Variants in CARS2 observed in about 807,000 individuals in gnomAD.
CARS2 encodes the protein cysteinyl-tRNA synthetase 2, mitochondrial.
In CARS2, 52 loss-of-function variants were observed where a neutral mutation model predicts 68.8. The ratio of observed to expected loss-of-function variants is 0.76; its 90% CI spans 0.61 to 0.95. CARS2 has a LOEUF of 0.95. Among genes scored for constraint, CARS2 ranks in the 40% least tolerant of loss-of-function variants. The pLI is 0.00. For synonymous variants in CARS2, 314 were observed against 303.6 expected (o/e 1.03, Z -0.36); for missense variants, 780 against 754.2 (o/e 1.03, Z -0.40).
chr13:110,697,399 A>G (rs1021572688), intron 3 of CARS2, among the ~76,000 whole-genome samples: 2 of 152,248 alleles, frequency 1.3e-5, no homozygotes, highest in Admixed American at 1.3e-4. Context: ...CAAGATATCA[A>G]ATAAACTGTT....
downstream of CARS2, chr13:110,641,414 CTG>C: frequency 2.5e-6 from 2 of 786,068 alleles, no homozygotes; most frequent in Non-Finnish European, 4.5e-6. Flanking sequence ...CAGTGGGACA[CTG>C]TTGGTTGCCT....
rs1454453837 is a variant in CARS2, at chr13:110,670,296, AGACACCTCCCAGTAGGGGCTGACT to A, written c.786-2847_786-2824del. On this transcript the variant is annotated intron_variant, in intron 7 of 14. Transcript: ENST00000257347. The surrounding 1 kb of genome is among the most constrained non-coding windows in gnomAD (Gnocchi z 4.1). ...CTGATCCCCGAGTAGACCAACTGGGAGACACCTCCCAGTAGGGGCTGACTGACACCTCATACAGCCAGGTGCCCT... is the reference window on the plus strand; with the variant it reads ...CTGATCCCCGAGTAGACCAACTGGGAGACACCTCATACAGCCAGGTGCCCT... Among the ~76,000 whole-genome samples the A allele has an allele frequency of 2.0e-5, 3 of 152,348 alleles. No homozygotes were observed. In the East Asian group the frequency reaches 5.8e-4, roughly 29 times the overall value.
chr13:110,694,227 C>T (rs969449838), intron 3 of CARS2, among the ~76,000 whole-genome samples: 22 of 151,644 alleles, frequency 1.5e-4, no homozygotes, highest in African/African-American at 2.4e-4. Flanking sequence ...GGTTTCTCCA[C>T]GGTGGTTAGG....
At chr13:110,652,324 C>T (rs891226606) in intron 9 of CARS2, among the ~76,000 whole-genome samples, 7 of 152,230 alleles carry the variant, frequency 4.6e-5, no homozygotes, top group African/African-American at 1.7e-4. Flanking sequence ...GAGAGTGAGC[C>T]GGAAACGGCG....
chr13:110,690,816 C>A (rs1311581437), intron 3 of CARS2, among the ~76,000 whole-genome samples: 2 of 152,240 alleles, frequency 1.3e-5, no homozygotes, highest in Non-Finnish European at 2.9e-5. Flanking sequence ...TCTGCCCTCA[C>A]CTGCAGGGTC....
chr13:110,698,157 G>C lies in CARS2; in HGVS notation c.393+3281C>G, dbSNP rs563719302. Among the ~76,000 whole-genome samples the C allele has an allele frequency of 3.3e-5, 5 of 152,250 alleles. No homozygotes were observed. The South Asian group carries it at 1.0e-3, about 32-fold the overall frequency. On this transcript the variant is annotated intron_variant, in intron 3 of 14. Transcript: ENST00000257347. ...GTTAAAGAGGAAGGGAAGCCACAAT[G>C]ACAGACAAATGCTATAATTCAAATC...
At chr13:110,709,555 T>C (rs1423078635), upstream of CARS2, among the ~76,000 whole-genome samples, 1 of 152,200 alleles carries the variant, frequency 6.6e-6, no homozygotes, top group Non-Finnish European at 1.5e-5. Flanking sequence ...TTCATTACTA[T>C]ACCTCCCAGC....
intron 7 of CARS2, among the ~76,000 whole-genome samples, chr13:110,673,263 G>T (rs869033070): frequency 6.6e-6 from 1 of 151,848 alleles, no homozygotes; most frequent in African/African-American, 2.4e-5. Context: ...CAACAAAAAA[G>T]GAGAATTTTA....
chr13:110,644,062 T>C, intron 13 of CARS2: 1 of 1,272,688 alleles, frequency 7.9e-7, no homozygotes, highest in Non-Finnish European at 1.0e-6. Context: ...AATGTTCTCT[T>C]ACTGTGCCTG....
chr13:110,667,394 G>A lies in CARS2; in HGVS notation c.865C>T (p.Gln289Ter). ...TCGCACTGATGAAAGACTTCGCACTGTGCAATTTCGTTTTCATGATGTGGA... is the reference window on the plus strand; with the variant it reads ...TCGCACTGATGAAAGACTTCGCACTATGCAATTTCGTTTTCATGATGTGGA... ...AFPHHENEIA[Q>*]CEVFHQCEQW... The change falls in exon 8 of 15, where the codon CAG becomes TAG. Residue 289 changes from glutamine (Q) to a stop codon, truncating the protein, a stop_gained. Transcript: ENST00000257347. LOFTEE classifies it high-confidence loss of function. The A allele has an allele frequency of 6.2e-7, 1 of 1,613,706 alleles. No individual in the cohort carries two copies. The highest frequency in any genetic ancestry group is 8.5e-7 in the Non-Finnish European group (1 of 1,179,664).
At chr13:110,644,194 G>A in intron 13 of CARS2, 191 bp downstream of exon 13, 1 of 1,465,972 alleles carries the variant, frequency 6.8e-7, no homozygotes, top group Non-Finnish European at 9.1e-7. Context: ...TGCAGAAGTA[G>A]AATTGTGCAA....
At chr13:110,679,573 GAGAAAGAA>G (rs1175280493) in intron 6 of CARS2, among the ~76,000 whole-genome samples, 3 of 94,208 alleles carry the variant, frequency 3.2e-5, no homozygotes, top group Non-Finnish European at 6.1e-5. Flanking sequence ...AAGAAAGAGA[GAGAAAGAA>G]AGAAAGAAAG....
At chr13:110,673,303 A>G (rs916978701) in intron 7 of CARS2, among the ~76,000 whole-genome samples, 10 of 152,250 alleles carry the variant, frequency 6.6e-5, no homozygotes, top group African/African-American at 2.4e-4. Context: ...CATCGATGCA[A>G]AAATCCTCAA....
At position 110,641,546 on chromosome 13, in the gene CARS2, T is replaced by A. The variant is rs767686371; in HGVS notation, c.1686A>T (p.Ser562=). The change falls in exon 15 of 15, where the codon TCA becomes TCT. Residue 562 remains serine, a synonymous_variant. Coordinates refer to ENST00000257347, the MANE Select transcript of CARS2 (RefSeq NM_024537.4). The part of the protein sequence containing the change: ...LLDQRTKDQK[S]AG Reference sequence around the variant, plus strand: ...TGGCTGTGCTCCATCCTCAGCCCGCTGATTTTTGGTCTTTTGTCCTTTGAT... The same window carrying A: ...TGGCTGTGCTCCATCCTCAGCCCGCAGATTTTTGGTCTTTTGTCCTTTGAT... 6.2e-7 allele frequency: 1 copy of A among 1,613,450 alleles called. No individual in the cohort carries two copies. Among genetic ancestry groups the A allele is most frequent in the Non-Finnish European group, 8.5e-7 (1 of 1,179,338 alleles).
intron 14 of CARS2, among the ~76,000 whole-genome samples, chr13:110,641,939 C>G (rs750398564): frequency 6.6e-6 from 1 of 152,212 alleles, no homozygotes; most frequent in African/African-American, 2.4e-5. Flanking sequence ...CAGTGGCTCA[C>G]GCCTGTAATC....
At chr13:110,680,930 G>A (rs2063140946) in intron 6 of CARS2, among the ~76,000 whole-genome samples, 2 of 152,266 alleles carry the variant, frequency 1.3e-5, no homozygotes, top group Admixed American at 1.3e-4. Flanking sequence ...AGGCTGGCAG[G>A]CAGGGCCCGG....
chr13:110,710,220 A>G (rs529291996), upstream of CARS2, among the ~76,000 whole-genome samples: 1 of 152,244 alleles, frequency 6.6e-6, no homozygotes, highest in South Asian at 2.1e-4. Context: ...CGTCTCTACT[A>G]AAAATACAAA....
chr13:110,657,103 TTGTG>T (rs1220106466), intron 9 of CARS2, among the ~76,000 whole-genome samples: 2 of 151,204 alleles, frequency 1.3e-5, no homozygotes, highest in Admixed American at 6.6e-5. Context: ...TAAATTTATT[TTGTG>T]TGTATTTTAA....
At chr13:110,700,293 A>C (rs1333518514) in intron 3 of CARS2, among the ~76,000 whole-genome samples, 2 of 152,218 alleles carry the variant, frequency 1.3e-5, no homozygotes, top group East Asian at 3.8e-4. Context: ...TAGAACAGAA[A>C]AGAAAGAGGC....
Sources: gnomAD v4.1 joint callset for allele counts (sites outside exome capture counted in the v4.1 genomes callset) on GRCh38, gnomAD v4.1.1 for gene constraint, Gnocchi (gnomAD v3.1) non-coding constraint, MANE v1.5 for transcripts, NCBI Gene and HGNC (gene_info 2026-07-23, HGNC 2026-07-21) for gene names.